The following HTR4 variants were observed in gnomAD, a reference collection of about 807,000 sequenced individuals.
HTR4 encodes 5-hydroxytryptamine receptor 4, also known as 5-hydroxytryptamine (serotonin) receptor 4, G protein-coupled.
HTR4 carries 16 observed loss-of-function variants against 36.8 expected under a neutral mutation model. The observed-to-expected ratio is 0.43, with a 90% CI of 0.29 to 0.66. HTR4 has a LOEUF of 0.66. Among genes scored for constraint, HTR4 ranks in the 30% least tolerant of loss-of-function variants. The pLI is 0.13. For synonymous variants in HTR4, 189 were observed against 185.1 expected (o/e 1.02, Z -0.17); for missense variants, 438 against 490.9 (o/e 0.89, Z 1.02).
chr5:148,480,248 C>T (rs1484295477), downstream of HTR4, among the ~76,000 whole-genome samples: 3 of 152,156 alleles, frequency 2.0e-5, no homozygotes, highest in Non-Finnish European at 4.4e-5. Context: ...TTGTGAATAA[C>T]CAAATCCTTT....
At chr5:148,632,694 A>T (rs1429061379) in intron 2 of HTR4, among the ~76,000 whole-genome samples, 1 of 152,186 alleles carries the variant, frequency 6.6e-6, no homozygotes, top group Non-Finnish European at 1.5e-5. Context: ...AAAGAAATTG[A>T]TTGAAAAAAT....
At chr5:148,596,185 G>C (rs1386988091) in intron 2 of HTR4, among the ~76,000 whole-genome samples, 1 of 152,182 alleles carries the variant, frequency 6.6e-6, no homozygotes. Flanking sequence ...CACAATCTGT[G>C]TCAAAATGCA....
Position 148,547,526 on chromosome 5 carries a change from A to AAAAATAAAATAAAATAAAAT in HTR4, c.353+1122_353+1141dup, listed in dbSNP as rs373070134. ...AGAGCAAGACTTGGTCTCAAAAAAT[A>AAAAATAAAATAAAATAAAAT]AAAATAAAATAAAATAAAATAAAAT... On this transcript the variant is annotated intron_variant, in intron 4 of 6. Coordinates refer to ENST00000377888, the MANE Select transcript of HTR4 (RefSeq NM_000870.7). 9.2e-3 allele frequency among the ~76,000 whole-genome samples: 1,147 copies of AAAAATAAAATAAAATAAAAT among 125,078 alleles called. 31 individuals are homozygous for AAAAATAAAATAAAATAAAAT. Among genetic ancestry groups the AAAAATAAAATAAAATAAAAT allele is most frequent in the African/African-American group, 0.033 (1,071 of 32,252 alleles). 82.1% of individuals were successfully genotyped at this position (125,078 alleles called of 152,430 possible).
intron 2 of HTR4, among the ~76,000 whole-genome samples, chr5:148,602,900 A>T (rs1178985015): frequency 1.3e-5 from 2 of 152,132 alleles, no homozygotes; most frequent in Non-Finnish European, 2.9e-5. Context: ...AAATGGAGAA[A>T]TTCCCAGAAA....
chr5:148,456,897 T>C (rs921572113), intron 5 of HTR4, among the ~76,000 whole-genome samples: 6 of 152,240 alleles, frequency 3.9e-5, no homozygotes, highest in African/African-American at 1.4e-4. Flanking sequence ...TATCTGATGA[T>C]TGAGGTAGAA....
At chr5:148,603,631 T>C (rs1375344656) in intron 2 of HTR4, among the ~76,000 whole-genome samples, 2 of 152,024 alleles carry the variant, frequency 1.3e-5, no homozygotes, top group Non-Finnish European at 2.9e-5. Context: ...AAATTTCAAA[T>C]AATCTGAAAA....
At chr5:148,493,666 G>C (rs368004837) in intron 6 of HTR4, among the ~76,000 whole-genome samples, 29 of 152,004 alleles carry the variant, frequency 1.9e-4, no homozygotes, top group Non-Finnish European at 3.5e-4. Flanking sequence ...AGACAAGTTG[G>C]GAGGGAGTGA....
At chr5:148,648,955 A>G (rs1753952543) in intron 1 of HTR4, among the ~76,000 whole-genome samples, 1 of 152,180 alleles carries the variant, frequency 6.6e-6, no homozygotes, top group Admixed American at 6.5e-5. Flanking sequence ...TGTTTTTTCA[A>G]TAAATCCTAA....
chr5:148,568,461 G>T (rs1156686616), intron 2 of HTR4, among the ~76,000 whole-genome samples: 1 of 152,062 alleles, frequency 6.6e-6, no homozygotes, highest in Non-Finnish European at 1.5e-5. Flanking sequence ...TGGAGCTATA[G>T]TTGACAGGGA....
chr5:148,595,843 A>C (rs1761751341), intron 2 of HTR4, among the ~76,000 whole-genome samples: 1 of 152,216 alleles, frequency 6.6e-6, no homozygotes, highest in Non-Finnish European at 1.5e-5. Context: ...AAAATCCATA[A>C]AATTTTGGGC....
intron 1 of HTR4, among the ~76,000 whole-genome samples, chr5:148,644,118 A>G (rs955978588): frequency 6.6e-6 from 1 of 152,170 alleles, no homozygotes; most frequent in African/African-American, 2.4e-5. Context: ...AAATTCACAG[A>G]TATTACTGTT....
chr5:148,616,418 A>C (rs1184877510), intron 2 of HTR4, among the ~76,000 whole-genome samples: 1 of 152,090 alleles, frequency 6.6e-6, no homozygotes, highest in Non-Finnish European at 1.5e-5. Context: ...TCCTGATCCT[A>C]ATAGGCATGC....
At chr5:148,464,134 A>G (rs1480788453) in intron 5 of HTR4, among the ~76,000 whole-genome samples, 1 of 152,042 alleles carries the variant, frequency 6.6e-6, no homozygotes, top group Non-Finnish European at 1.5e-5. Context: ...AAAAACCATG[A>G]CAATTCTAGA....
intron 5 of HTR4, among the ~76,000 whole-genome samples, chr5:148,452,260 G>T (rs913160340): frequency 4.6e-5 from 7 of 152,094 alleles, no homozygotes; most frequent in African/African-American, 1.4e-4. Flanking sequence ...GCAAAATAAC[G>T]CATAGTCAAG....
chr5:148,452,919 C>A (rs1321101659), intron 5 of HTR4, among the ~76,000 whole-genome samples: 1 of 152,220 alleles, frequency 6.6e-6, no homozygotes, highest in South Asian at 2.1e-4. Context: ...GCTAGTGAGT[C>A]GTAGATGCTC....
intron 2 of HTR4, among the ~76,000 whole-genome samples, chr5:148,589,760 A>G (rs1039730324): frequency 6.6e-6 from 1 of 152,118 alleles, no homozygotes; most frequent in Non-Finnish European, 1.5e-5. Context: ...ATGGCATACA[A>G]TATGTGATAT....
At chr5:148,466,440 T>C (rs1478443441) in intron 5 of HTR4, among the ~76,000 whole-genome samples, 2 of 152,216 alleles carry the variant, frequency 1.3e-5, no homozygotes, top group Non-Finnish European at 2.9e-5. Flanking sequence ...TAAATGCAAC[T>C]GCAAGTGAAT....
chr5:148,647,403 G>A (rs1290126879), intron 1 of HTR4, among the ~76,000 whole-genome samples: 3 of 152,196 alleles, frequency 2.0e-5, no homozygotes, highest in Non-Finnish European at 2.9e-5. Context: ...CTACTTGGAA[G>A]GTGGACTATT....
intron 6 of HTR4, 174 bp downstream of exon 6, chr5:148,509,282 G>T (rs1025026574): frequency 3.7e-6 from 2 of 546,854 alleles, no homozygotes; most frequent in East Asian, 5.9e-5. Context: ...TCCCTCCAGA[G>T]CCTGAGTTCT....
Sources: gnomAD v4.1 joint callset for allele counts (sites outside exome capture counted in the v4.1 genomes callset) on GRCh38, gnomAD v4.1.1 for gene constraint, MANE v1.5 for transcripts, NCBI Gene and HGNC (gene_info 2026-07-23, HGNC 2026-07-21) for gene names.